Variants in PDE1C observed in about 807,000 individuals in gnomAD.
PDE1C encodes the protein phosphodiesterase 1C, also known as dual specificity calcium/calmodulin-dependent 3',5'-cyclic nucleotide phosphodiesterase 1C.
A neutral mutation model predicts 93.1 loss-of-function variants in PDE1C; 62 were observed. That is an observed-to-expected ratio of 0.67 (90% CI 0.54 to 0.82). The LOEUF (loss-of-function observed/expected upper bound fraction) is 0.82. Ranked by LOEUF, PDE1C falls within the 40% of genes least tolerant of loss-of-function variation. The pLI, the probability that PDE1C is intolerant of heterozygous loss-of-function variation, is 0.00. For missense variants in PDE1C, 742 were observed against 884.6 expected (o/e 0.84, Z 2.04); for synonymous variants, 325 against 310.1 (o/e 1.05, Z -0.50).
At chr7:32,233,366 A>C (rs773981983) in intron 1 of PDE1C, among the ~76,000 whole-genome samples, 6 of 152,202 alleles carry the variant, frequency 3.9e-5, no homozygotes, top group Admixed American at 6.5e-5. Flanking sequence ...TAAGTGGTTT[A>C]AATACACCAA....
chr7:31,658,643 G>T, the PDE1C span: 1 of 217,132 alleles, frequency 4.6e-6, no homozygotes, highest in East Asian at 1.0e-4. Context: ...CTTGAAAATT[G>T]AGAGAACAGG....
At chr7:32,301,826 C>G (rs215611), upstream of PDE1C, among the ~76,000 whole-genome samples, 75,440 of 152,098 alleles carry the variant, frequency 0.5, 21,892 homozygotes, top group Admixed American at 0.66. Flanking sequence ...GTAGTTGGAG[C>G]AGGATTTGAC....
intron 2 of PDE1C, among the ~76,000 whole-genome samples, chr7:32,189,439 A>T (rs567232549): frequency 6.6e-6 from 1 of 152,288 alleles, no homozygotes; most frequent in Admixed American, 6.5e-5. Flanking sequence ...TTAAGTGAAA[A>T]TTTTTTAATG....
intron 2 of PDE1C, among the ~76,000 whole-genome samples, chr7:31,915,334 C>A (rs1226833188): frequency 5.3e-5 from 8 of 152,170 alleles, no homozygotes; most frequent in Non-Finnish European, 1.0e-4. Context: ...ACACTCAAGG[C>A]TCAGCTTATG....
chr7:32,022,012 T>A (rs1013264840), intron 2 of PDE1C, among the ~76,000 whole-genome samples: 5 of 152,108 alleles, frequency 3.3e-5, no homozygotes, highest in African/African-American at 1.2e-4. Context: ...TAATTCCTCA[T>A]GTTTAACTTA....
chr7:31,692,755 A>G, the PDE1C span, among the ~76,000 whole-genome samples: 1 of 152,058 alleles, frequency 6.6e-6, no homozygotes, highest in Non-Finnish European at 1.5e-5. Context: ...GAGAGAGAGA[A>G]AGAGAGAGAG....
chr7:31,758,307 TAAAAAAAATTA>T (rs1002734972), intron 17 of PDE1C, among the ~76,000 whole-genome samples: 16 of 80,492 alleles, frequency 2.0e-4, no homozygotes, highest in East Asian at 8.3e-4. Flanking sequence ...TAAAAAATGG[TAAAAAAAATTA>T]AAAAAAAATT....
chr7:32,269,477 G>A (rs552279870), intron 1 of PDE1C, among the ~76,000 whole-genome samples: 2 of 91,904 alleles, frequency 2.2e-5, no homozygotes, highest in Admixed American at 1.3e-4. Context: ...TTCGTTTTTC[G>A]GTTTTTTGGT....
intron 1 of PDE1C, among the ~76,000 whole-genome samples, chr7:32,257,177 T>G (rs926513219): frequency 3.3e-5 from 5 of 152,090 alleles, no homozygotes; most frequent in African/African-American, 1.2e-4. Flanking sequence ...ATTGAGACGA[T>G]GAACAAGTAA....
chr7:31,697,774 T>C, the PDE1C span, among the ~76,000 whole-genome samples: 1 of 152,222 alleles, frequency 6.6e-6, no homozygotes, highest in Non-Finnish European at 1.5e-5. Flanking sequence ...GTTTTTGAGA[T>C]CCTACTAAAT....
intron 1 of PDE1C, among the ~76,000 whole-genome samples, chr7:32,310,878 C>A (rs1783013093): frequency 6.6e-6 from 1 of 152,016 alleles, no homozygotes; most frequent in African/African-American, 2.4e-5. Context: ...CAAAAGCTAG[C>A]AGAAGGCAAG....
chr7:32,102,630 C>A (rs962260413), intron 3 of PDE1C, among the ~76,000 whole-genome samples: 1 of 152,164 alleles, frequency 6.6e-6, no homozygotes, highest in Admixed American at 6.5e-5. Flanking sequence ...AAAACTCATT[C>A]CTGGGAGGTC....
intron 2 of PDE1C, among the ~76,000 whole-genome samples, chr7:31,901,115 C>T (rs1385588883): frequency 7.2e-6 from 1 of 139,700 alleles, no homozygotes; most frequent in Non-Finnish European, 1.6e-5. Context: ...GGCAAGGATG[C>T]CCTCTAGTAG....
chr7:31,787,262 G>A (rs1784101471), intron 16 of PDE1C: 1 of 152,136 alleles, frequency 6.6e-6, no homozygotes, highest in Non-Finnish European at 1.5e-5. Context: ...CTGTTTAAGT[G>A]TATCAGATCC....
At chr7:32,059,565 G>C (rs770629811) in intron 1 of PDE1C, among the ~76,000 whole-genome samples, 4 of 152,108 alleles carry the variant, frequency 2.6e-5, no homozygotes, top group Admixed American at 2.0e-4. Flanking sequence ...AATCAAATCT[G>C]CTGCTCATGC....
At chr7:32,131,797 A>C (rs32307) in intron 3 of PDE1C, among the ~76,000 whole-genome samples, 104,062 of 151,912 alleles carry the variant, frequency 0.69, 36,364 homozygotes, top group Middle Eastern at 0.81. Context: ...TTATTTACCA[A>C]AACCAAGCAT....
At chr7:31,642,339 C>G in the PDE1C span, 3 of 939,242 alleles carry the variant, frequency 3.2e-6, no homozygotes, top group African/African-American at 1.7e-5. Context: ...CCACCCAAAC[C>G]TCACTCACAG....
At chr7:31,820,326 C>T (rs1277248015) in intron 14 of PDE1C, among the ~76,000 whole-genome samples, 1 of 151,686 alleles carries the variant, frequency 6.6e-6, no homozygotes, top group Non-Finnish European at 1.5e-5. Flanking sequence ...TATACTTCAG[C>T]ATTTGTAACC....
At chr7:31,872,724 G>C (rs1052970994) in intron 6 of PDE1C, among the ~76,000 whole-genome samples, 1 of 152,124 alleles carries the variant, frequency 6.6e-6, no homozygotes. Flanking sequence ...ACCCCACCTC[G>C]AGAGTCTACA....
Sources: allele counts gnomAD v4.1 joint callset (sites outside exome capture counted in the v4.1 genomes callset), GRCh38; gene constraint gnomAD v4.1.1; transcripts MANE v1.5; gene names NCBI Gene and HGNC (gene_info 2026-07-23, HGNC 2026-07-21).